The following TBPL1 variants were observed in gnomAD, a reference collection of about 807,000 sequenced individuals.
The protein encoded by TBPL1 is TATA-box binding protein like 1.
In TBPL1, 4 loss-of-function variants were observed where a neutral mutation model predicts 22.1. That is an observed-to-expected ratio of 0.18 (90% confidence interval 0.09 to 0.41). The LOEUF is 0.41. Ranked by LOEUF, TBPL1 falls within the 10% of genes least tolerant of loss-of-function variation. The pLI, the probability that TBPL1 is intolerant of heterozygous loss-of-function variation, is 1.00. For missense variants in TBPL1, 115 were observed against 222.3 expected, an observed-to-expected ratio of 0.52 and a Z score of 3.07; for synonymous variants, 64 against 71.0, an observed-to-expected ratio of 0.90 and a Z score of 0.50.
chr6:133,982,987 A>T, intron 4 of TBPL1, 107 bp downstream of exon 4: 1 of 1,059,264 alleles, frequency 9.4e-7, no homozygotes, highest in Non-Finnish European at 1.3e-6. Flanking sequence ...TATTCTTATG[A>T]TTAAACTTTT....
In TBPL1 at chr6:133,959,113, C is replaced by G. The variant is rs116058518; in HGVS notation, c.-45+5688C>G. 3.2e-3 allele frequency among the ~76,000 whole-genome samples: 493 copies of G among 152,184 alleles called. 3 individuals are homozygous for G. Among genetic ancestry groups the G allele is most frequent in the African/African-American group, 0.011 (466 of 41,526 alleles). On this transcript the variant is annotated intron_variant, in intron 1 of 6. Coordinates refer to ENST00000237264, the MANE Select transcript of TBPL1 (RefSeq NM_004865.4). ...GGAGTGCGGTGGTGGCATCTCAGCT[C>G]ATTGCAACTTCGGCTTCCCAGGTTC...
chr6:133,968,300 G>A (rs975120979), intron 1 of TBPL1, among the ~76,000 whole-genome samples: 2 of 151,972 alleles, frequency 1.3e-5, no homozygotes, highest in African/African-American at 4.8e-5. Context: ...CTTAAATCTT[G>A]TATACTTAGA....
At chr6:133,971,120 C>T (rs1776213447) in intron 1 of TBPL1, among the ~76,000 whole-genome samples, 1 of 151,986 alleles carries the variant, frequency 6.6e-6, no homozygotes, top group Non-Finnish European at 1.5e-5. Context: ...CTGTTAATCG[C>T]TCTTCTTTCT....
intron 1 of TBPL1, 34 bp from the exon 2 acceptor site, chr6:133,980,048 A>T: frequency 7.4e-7 from 1 of 1,343,616 alleles, no homozygotes; most frequent in Non-Finnish European, 9.8e-7. Context: ...AACAACATTT[A>T]AGTTTAATGA....
chr6:133,953,183 A>G (rs1365568056), upstream of TBPL1: 2 of 152,628 alleles, frequency 1.3e-5, no homozygotes, highest in Admixed American at 1.3e-4. Context: ...TATGCTCCCC[A>G]GCGTCTAGTC....
At chr6:133,982,061 A>G (rs1776425118) in intron 2 of TBPL1, among the ~76,000 whole-genome samples, 1 of 152,246 alleles carries the variant, frequency 6.6e-6, no homozygotes, top group Admixed American at 6.5e-5. Flanking sequence ...AGAAAGCAGA[A>G]TTAGGAATTA....
chr6:133,952,668 G>A (rs2114305784), upstream of TBPL1: 1 of 152,148 alleles, frequency 6.6e-6, no homozygotes, highest in Non-Finnish European at 1.5e-5. The surrounding 1 kb of genome is among the most constrained non-coding windows in gnomAD (Gnocchi z 4.5). Flanking sequence ...TAAATTAACG[G>A]GTTCATTTTG....
In TBPL1 at chr6:133,987,660, A is replaced by ATATATATATATATATATATATATG. The variant is rs1014795332; in HGVS notation, c.*627_*628insATATATATATATATATGTATATAT. The stretch of plus-strand genomic sequence containing the variant: ...TGTGTGTGTGTGTGTATATATATAT[A>ATATATATATATATATATATATATG]TATATATGCACCACATGTGTATAGT... On this transcript the variant is annotated 3_prime_UTR_variant, in exon 7 of 7. Transcript: ENST00000237264. 9.6e-5 allele frequency: 14 copies of ATATATATATATATATATATATATG among 145,112 alleles called. No homozygotes were observed. The highest frequency in any genetic ancestry group is 2.2e-4 in the South Asian group (1 of 4,522). 9.0% of individuals were successfully genotyped at this position (145,112 alleles called of 1,614,324 possible). A position where few individuals can be genotyped will look rare whatever the true frequency, so the allele number is the denominator to read the frequency against.
Position 133,984,856 on chromosome 6 carries a change from A to G in TBPL1, c.481+185A>G, listed in dbSNP as rs1013643739. On this transcript the variant is annotated intron_variant, in intron 6 of 6. Transcript: ENST00000237264. ...CTTTTGTACTATTTATAAATGTTACACTTACTATTTTGTGTCTTTTTTCAC... is the reference window on the plus strand; with the variant it reads ...CTTTTGTACTATTTATAAATGTTACGCTTACTATTTTGTGTCTTTTTTCAC... The G allele has an allele frequency of 5.5e-6, 3 of 545,522 alleles. No individual in the cohort carries two copies. In the African/African-American group the frequency reaches 5.7e-5, roughly 10 times the overall value. The allele number at this position is 545,522 out of a possible 1,614,324, so 33.8% of individuals were successfully genotyped here.
chr6:133,982,685 T>A, intron 3 of TBPL1, 35 bp downstream of exon 3: 1 of 1,600,346 alleles, frequency 6.2e-7, no homozygotes, highest in Non-Finnish European at 8.5e-7. Context: ...TTTTATTTTT[T>A]ACTTTTTCCC....
intron 1 of TBPL1, among the ~76,000 whole-genome samples, chr6:133,962,525 A>T (rs1776042110): frequency 6.6e-6 from 1 of 152,224 alleles, no homozygotes; most frequent in African/African-American, 2.4e-5. Context: ...CCATTCACAG[A>T]ATTACAAGGA....
intron 1 of TBPL1, among the ~76,000 whole-genome samples, chr6:133,969,506 A>T (rs371444677): frequency 6.6e-6 from 1 of 152,178 alleles, no homozygotes; most frequent in Non-Finnish European, 1.5e-5. Context: ...AACTGAATGT[A>T]ATGATGCTTT....
chr6:133,962,926 G>A (rs1776049490), intron 1 of TBPL1, among the ~76,000 whole-genome samples: 1 of 152,178 alleles, frequency 6.6e-6, no homozygotes, highest in Non-Finnish European at 1.5e-5. Flanking sequence ...ATATGAGATG[G>A]GGAGAGAATT....
intron 1 of TBPL1, among the ~76,000 whole-genome samples, chr6:133,973,779 G>A (rs913467487): frequency 6.6e-6 from 1 of 152,090 alleles, no homozygotes; most frequent in Non-Finnish European, 1.5e-5. Context: ...CAGTTTTGAA[G>A]TTTGCTTTTT....
chr6:133,978,326 A>G (rs578258169), intron 1 of TBPL1, among the ~76,000 whole-genome samples: 1 of 152,348 alleles, frequency 6.6e-6, no homozygotes, highest in East Asian at 1.9e-4. Context: ...TTCATACATT[A>G]TATAATTTTC....
chr6:133,964,386 G>A (rs1314018747), intron 1 of TBPL1, among the ~76,000 whole-genome samples: 2 of 149,926 alleles, frequency 1.3e-5, no homozygotes, highest in African/African-American at 4.9e-5. Context: ...ATTTTGTACT[G>A]TTTTTTAAAC....
Position 133,982,899 on chromosome 6 carries a change from A to G in TBPL1, c.282+19A>G. 2 of 1,588,336 alleles carry G rather than the reference A, an allele frequency of 1.3e-6. No homozygotes were observed. Among genetic ancestry groups the G allele is most frequent in the Non-Finnish European group, 1.7e-6 (2 of 1,169,302 alleles). Reference sequence around the variant, plus strand: ...TTTTCAGGTAACGTTTTCAAATAGTATCTAAACTACAAATATTCAAGGACT... The same window carrying G: ...TTTTCAGGTAACGTTTTCAAATAGTGTCTAAACTACAAATATTCAAGGACT... On this transcript the variant is annotated intron_variant, in intron 4 of 6. Transcript: ENST00000237264.
chr6:133,972,236 T>A (rs190404736), intron 1 of TBPL1, among the ~76,000 whole-genome samples: 2 of 152,334 alleles, frequency 1.3e-5, no homozygotes, highest in Admixed American at 1.3e-4. Flanking sequence ...CCACTCTATT[T>A]TCTCTTCTAA....
chr6:133,982,380 CTT>C (rs1480717899), intron 2 of TBPL1, among the ~76,000 whole-genome samples, 186 bp from the exon 3 acceptor site: 2 of 152,026 alleles, frequency 1.3e-5, no homozygotes, highest in Non-Finnish European at 2.9e-5. Flanking sequence ...AATCAAATGT[CTT>C]TTTGGATTAA....
Sources: allele counts gnomAD v4.1 joint callset (sites outside exome capture counted in the v4.1 genomes callset), GRCh38; gene constraint gnomAD v4.1.1; non-coding constraint Gnocchi (gnomAD v3.1); transcripts MANE v1.5; gene names NCBI Gene and HGNC (gene_info 2026-07-23, HGNC 2026-07-21).